Variants in TMEM177 observed in about 807,000 individuals in gnomAD.
TMEM177 encodes the protein transmembrane protein 177.
TMEM177 carries 4 observed loss-of-function variants against 14.2 expected under a neutral mutation model. That is an observed-to-expected ratio of 0.28 (90% CI 0.14 to 0.64). TMEM177 has a LOEUF of 0.64. Ranked by LOEUF, TMEM177 falls within the 30% of genes least tolerant of loss-of-function variation. The pLI, the probability that TMEM177 is intolerant of heterozygous loss-of-function variation, is 0.82. For synonymous variants in TMEM177, 179 were observed against 174.5 expected (o/e 1.03, Z -0.20); for missense variants, 344 against 405.2 (o/e 0.85, Z 1.30).
the TMEM177 span, chr2:119,698,951 G>A: frequency 0.027 from 4,325 of 157,894 alleles, 103 homozygotes; most frequent in African/African-American, 0.071. Context: ...GAGCCAACAC[G>A]ATGCCACTGC....
the TMEM177 span, among the ~76,000 whole-genome samples, chr2:119,708,482 C>T: frequency 6.6e-6 from 1 of 152,164 alleles, no homozygotes; most frequent in Non-Finnish European, 1.5e-5. Flanking sequence ...ATCAAATATG[C>T]AATCCATATT....
In TMEM177 at chr2:119,681,923, A is replaced by G; in HGVS notation, c.*134A>G. ...CTGGCTTTGGAATTAAATAGCTTAG[A>G]TTGTACTATAACCACTACTTATGAA... On this transcript the variant is annotated 3_prime_UTR_variant, in exon 2 of 2. Transcript: ENST00000272521. 1 of 748,202 alleles carries G rather than the reference A, an allele frequency of 1.3e-6. No homozygotes were observed. Among genetic ancestry groups the G allele is most frequent in the Non-Finnish European group, 2.2e-6 (1 of 452,864 alleles). 46.3% of individuals were successfully genotyped at this position (748,202 alleles called of 1,614,324 possible).
chr2:119,708,167 T>G, the TMEM177 span, among the ~76,000 whole-genome samples: 1 of 152,190 alleles, frequency 6.6e-6, no homozygotes, highest in Non-Finnish European at 1.5e-5. Flanking sequence ...CTCAAAGTCC[T>G]TCTGTTTTCA....
At chr2:119,691,763 A>G in the TMEM177 span, among the ~76,000 whole-genome samples, 3 of 152,176 alleles carry the variant, frequency 2.0e-5, no homozygotes, top group East Asian at 5.8e-4. Flanking sequence ...TGGGGGCCAC[A>G]TGGGAGAGGC....
the TMEM177 span, among the ~76,000 whole-genome samples, chr2:119,694,336 A>ACACACACACACC: frequency 1.3e-5 from 2 of 151,026 alleles, no homozygotes; most frequent in Non-Finnish European, 3.0e-5. Flanking sequence ...ACCTCACCTC[A>ACACACACACACC]CACACACACA....
At chr2:119,721,911 CATA>C in the TMEM177 span, among the ~76,000 whole-genome samples, 8 of 152,176 alleles carry the variant, frequency 5.3e-5, no homozygotes, top group Non-Finnish European at 1.2e-4. Flanking sequence ...GAGAATGTCA[CATA>C]ATGATTGGTT....
the TMEM177 span, among the ~76,000 whole-genome samples, chr2:119,692,969 CAAAAAAAAAAAAAA>C: frequency 3.8e-5 from 2 of 52,194 alleles, no homozygotes; most frequent in African/African-American, 8.8e-5. Flanking sequence ...GAGATTGTCT[CAAAAAAAAAAAAAA>C]AAAAAAAAAA....
chr2:119,719,966 T>TA, the TMEM177 span, among the ~76,000 whole-genome samples: 3 of 152,070 alleles, frequency 2.0e-5, no homozygotes, highest in Admixed American at 6.5e-5. Context: ...GCTAATTTTT[T>TA]ATCTTTTTTG....
the TMEM177 span, among the ~76,000 whole-genome samples, chr2:119,703,112 C>T: frequency 2.6e-5 from 4 of 152,380 alleles, no homozygotes; most frequent in South Asian, 2.1e-4. Context: ...CTAGGAGCGC[C>T]TCCTCGCTTT....
At chr2:119,704,716 C>T in the TMEM177 span, among the ~76,000 whole-genome samples, 1 of 152,202 alleles carries the variant, frequency 6.6e-6, no homozygotes, top group Non-Finnish European at 1.5e-5. Flanking sequence ...GCTCAGATGA[C>T]CTGGTTTTTC....
chr2:119,708,415 A>G, the TMEM177 span, among the ~76,000 whole-genome samples: 1 of 152,204 alleles, frequency 6.6e-6, no homozygotes, highest in Admixed American at 6.5e-5. Flanking sequence ...TTAGTTGTTC[A>G]CACCCGTGTT....
the TMEM177 span, among the ~76,000 whole-genome samples, chr2:119,706,668 T>G: frequency 6.6e-6 from 1 of 151,996 alleles, no homozygotes; most frequent in Non-Finnish European, 1.5e-5. Context: ...CAAGAAACAG[T>G]GGGTTAAATA....
At chr2:119,695,340 C>T in the TMEM177 span, among the ~76,000 whole-genome samples, 4 of 152,230 alleles carry the variant, frequency 2.6e-5, no homozygotes, top group Non-Finnish European at 5.9e-5. Context: ...TGGTTACGAG[C>T]CCTCCCCTCT....
downstream of TMEM177, among the ~76,000 whole-genome samples, chr2:119,689,798 C>T (rs1354019994): frequency 6.6e-6 from 1 of 152,192 alleles, no homozygotes; most frequent in African/African-American, 2.4e-5. Context: ...AGATTGAAAC[C>T]ACACTGTAAT....
the TMEM177 span, among the ~76,000 whole-genome samples, chr2:119,698,154 C>T: frequency 6.6e-6 from 1 of 152,116 alleles, no homozygotes; most frequent in Non-Finnish European, 1.5e-5. Context: ...CTTGGAGTGG[C>T]CCTCAGAAGA....
At chr2:119,688,331 C>G (rs1689047188), downstream of TMEM177, among the ~76,000 whole-genome samples, 1 of 152,130 alleles carries the variant, frequency 6.6e-6, no homozygotes, top group African/African-American at 2.4e-5. Context: ...GGACTTAGCA[C>G]TATATATATT....
At chr2:119,680,769 G>A in intron 1 of TMEM177, 63 bp from the exon 2 acceptor site, 1 of 1,346,214 alleles carries the variant, frequency 7.4e-7, no homozygotes, top group Non-Finnish European at 1.0e-6. Context: ...GTGGACCCTG[G>A]AGGATGTTCA....
chr2:119,691,233 T>C (rs1326168164), downstream of TMEM177, among the ~76,000 whole-genome samples: 2 of 152,290 alleles, frequency 1.3e-5, no homozygotes, highest in Middle Eastern at 3.4e-3. Context: ...TGTGGGCACG[T>C]TCCTGAGCTT....
chr2:119,692,646 A>G, the TMEM177 span, among the ~76,000 whole-genome samples: 1 of 152,164 alleles, frequency 6.6e-6, no homozygotes. Flanking sequence ...CTGTTTCCTC[A>G]CCTTCTCATT....
Sources: gnomAD v4.1 joint callset for allele counts (sites outside exome capture counted in the v4.1 genomes callset) on GRCh38, gnomAD v4.1.1 for gene constraint, MANE v1.5 for transcripts, NCBI Gene and HGNC (gene_info 2026-07-23, HGNC 2026-07-21) for gene names.